PRKCA: variants seen among roughly 807,000 people sequenced by gnomAD.
The protein encoded by PRKCA is protein kinase C alpha type.
PRKCA carries 27 observed loss-of-function variants against 87.0 expected under a neutral mutation model. That is an observed-to-expected ratio of 0.31 (90% CI 0.23 to 0.43). The LOEUF is 0.43. PRKCA is among the 20% of genes least tolerant of loss of function. PRKCA has a pLI of 1.00. For missense variants in PRKCA, 518 were observed against 852.3 expected (o/e 0.61, Z 4.88); for synonymous variants, 329 against 311.1 (o/e 1.06, Z -0.61).
At chr17:66,731,734 C>T (rs1973899070) in intron 8 of PRKCA, among the ~76,000 whole-genome samples, 1 of 150,974 alleles carries the variant, frequency 6.6e-6, no homozygotes, top group Admixed American at 6.6e-5. Flanking sequence ...AGGCAGTGAC[C>T]AGATATTCTT....
chr17:66,689,251 A>C lies in PRKCA; in HGVS notation c.918+204A>C, dbSNP rs541404680. On this transcript the variant is annotated intron_variant, in intron 8 of 16. Transcript: ENST00000413366. The surrounding 1 kb of genome is among the most constrained non-coding windows in gnomAD (Gnocchi z 4.1). The stretch of plus-strand genomic sequence containing the variant: ...ACTTTTTATGACTCTTACCACTTAG[A>C]AAATGGAAACTGGAAATATCGCAGA... Among the ~76,000 whole-genome samples, 1 of 152,350 alleles carries C rather than the reference A, an allele frequency of 6.6e-6. No homozygotes were observed. Among genetic ancestry groups the C allele is most frequent in the South Asian group, 2.1e-4 (1 of 4,828 alleles).
At chr17:66,545,264 T>TA (rs377155496) in intron 3 of PRKCA, among the ~76,000 whole-genome samples, 2 of 151,956 alleles carry the variant, frequency 1.3e-5, no homozygotes, top group Non-Finnish European at 1.5e-5. Flanking sequence ...CCGCCTCTAC[T>TA]AAAAAATACA....
chr17:66,392,457 A>G (rs1318038792), intron 2 of PRKCA, among the ~76,000 whole-genome samples: 3 of 152,194 alleles, frequency 2.0e-5, no homozygotes, highest in Admixed American at 6.5e-5. Flanking sequence ...TATCTCCTCA[A>G]AAAACTCATT....
At chr17:66,527,351 G>A (rs1472090748) in intron 3 of PRKCA, among the ~76,000 whole-genome samples, 1 of 152,180 alleles carries the variant, frequency 6.6e-6, no homozygotes, top group Non-Finnish European at 1.5e-5. Flanking sequence ...AATGCAATTT[G>A]CATCCACAGG....
chr17:66,353,274 C>A (rs1046457566), intron 2 of PRKCA, among the ~76,000 whole-genome samples: 1 of 152,290 alleles, frequency 6.6e-6, no homozygotes, highest in East Asian at 1.9e-4. Context: ...TCATTTTGAT[C>A]CTAATCTTTA....
intron 3 of PRKCA, among the ~76,000 whole-genome samples, chr17:66,564,537 C>T (rs916358514): frequency 2.6e-5 from 4 of 152,172 alleles, no homozygotes; most frequent in African/African-American, 9.7e-5. Context: ...TCTCAGGTAC[C>T]TGCTATGTGC....
intron 8 of PRKCA, among the ~76,000 whole-genome samples, chr17:66,725,231 G>T (rs891931844): frequency 2.0e-5 from 3 of 152,186 alleles, no homozygotes; most frequent in Non-Finnish European, 2.9e-5. Flanking sequence ...AGGTGCAAAT[G>T]CATGGAGTTC....
intron 8 of PRKCA, among the ~76,000 whole-genome samples, chr17:66,707,336 C>T (rs558602507): frequency 6.6e-6 from 1 of 152,336 alleles, no homozygotes; most frequent in Admixed American, 6.5e-5. Flanking sequence ...GTAAGAACCT[C>T]AGGCCCTCCT....
At position 66,642,323 on chromosome 17, in the gene PRKCA, G is replaced by A. The variant is rs561918044; in HGVS notation, c.400+857G>A. On this transcript the variant is annotated intron_variant, in intron 4 of 16. Coordinates refer to ENST00000413366, the MANE Select transcript of PRKCA (RefSeq NM_002737.3). ...TTTTTGTATTTTTAGTAGAGATGGG[G>A]TTTCACTGTGTTAGCCAGGATAGTC... Among the ~76,000 whole-genome samples the A allele has an allele frequency of 7.2e-5, 11 of 152,140 alleles. No individual in the cohort carries two copies. In the East Asian group the frequency reaches 1.6e-3, roughly 21 times the overall value.
At position 66,348,618 on chromosome 17, in the gene PRKCA, A is replaced by G. The variant is rs190080779; in HGVS notation, c.205+42491A>G. On this transcript the variant is annotated intron_variant, in intron 2 of 16. Transcript: ENST00000413366. ...GCCAATTGCCCAAAACAGTGCATCA[A>G]TCCAAAACTCTTATTTGTCTTGGAG... Among the ~76,000 whole-genome samples the G allele has an allele frequency of 3.9e-5, 6 of 152,352 alleles. No homozygotes were observed. In the East Asian group the frequency reaches 7.7e-4, roughly 20 times the overall value.
chr17:66,552,475 C>G (rs1316408705), intron 3 of PRKCA, among the ~76,000 whole-genome samples: 1 of 152,186 alleles, frequency 6.6e-6, no homozygotes, highest in African/African-American at 2.4e-5. Context: ...TCATCTGAGG[C>G]TCGACTGGGG....
At chr17:66,380,943 C>A (rs952587283) in intron 2 of PRKCA, among the ~76,000 whole-genome samples, 3 of 142,762 alleles carry the variant, frequency 2.1e-5, no homozygotes, top group African/African-American at 7.7e-5. Flanking sequence ...TTTTATTTTT[C>A]TTTTTTTTTT....
chr17:66,477,929 G>C (rs1283364504), intron 2 of PRKCA, among the ~76,000 whole-genome samples: 1 of 152,174 alleles, frequency 6.6e-6, no homozygotes, highest in Non-Finnish European at 1.5e-5. Context: ...TCTAATTCTT[G>C]TTTGACCTAG....
At chr17:66,747,432 G>T (rs1974319414) in intron 13 of PRKCA, among the ~76,000 whole-genome samples, 1 of 152,138 alleles carries the variant, frequency 6.6e-6, no homozygotes, top group Non-Finnish European at 1.5e-5. Flanking sequence ...GCTATGGCGG[G>T]GGCTACGTTA....
rs964952571 is a variant in PRKCA at position 66,803,133 on chromosome 17, G to C, written c.1855-740G>C. ...AGTTCTGCCTGGAGTGGACCCTGGA[G>C]GAGAGGAACAGCCGAGACAGCAGGC... On this transcript the variant is annotated intron_variant, in intron 16 of 16. Transcript: ENST00000413366. This position sits in a 1 kb window ranked among gnomAD's most constrained non-coding sequence, Gnocchi z 4.4. Among the ~76,000 whole-genome samples, 2 of 152,166 alleles carry C rather than the reference G, an allele frequency of 1.3e-5. No individual in the cohort carries two copies. Among genetic ancestry groups the C allele is most frequent in the African/African-American group, 4.8e-5 (2 of 41,434 alleles).
intron 3 of PRKCA, among the ~76,000 whole-genome samples, chr17:66,541,444 G>A (rs938658234): frequency 1.3e-5 from 2 of 152,172 alleles, no homozygotes; most frequent in African/African-American, 4.8e-5. Flanking sequence ...ATTGATTTCT[G>A]CGGCAAAGAG....
In PRKCA at chr17:66,592,343, C is replaced by CAAAAAAAAAAAAAAAAAAAA. The variant is rs71160581; in HGVS notation, c.289-48994_289-48993insAAAAAAAAAAAAAAAAAAAA. On this transcript the variant is annotated intron_variant, in intron 3 of 16. Coordinates refer to ENST00000413366, the MANE Select transcript of PRKCA (RefSeq NM_002737.3). ...GCACTCCAGTCTGGGTGATCCGTCT[C>CAAAAAAAAAAAAAAAAAAAA]AAAAAAAAAAAAAAAAAAGTTACCA... Among the ~76,000 whole-genome samples the CAAAAAAAAAAAAAAAAAAAA allele has an allele frequency of 6.1e-5, 5 of 82,360 alleles. 1 individual carries two copies. The highest frequency in any genetic ancestry group is 3.5e-4 in the East Asian group (1 of 2,854). The allele number at this position is 82,360 out of a possible 152,430, so 54.0% of individuals were successfully genotyped here.
intron 2 of PRKCA, among the ~76,000 whole-genome samples, chr17:66,387,741 C>T (rs768997043): frequency 2.6e-4 from 39 of 152,140 alleles, no homozygotes; most frequent in Non-Finnish European, 4.9e-4. Context: ...AGGGGTGCCC[C>T]GCAGCAGTTA....
At chr17:66,327,135 C>G (rs1421489110) in intron 2 of PRKCA, among the ~76,000 whole-genome samples, 1 of 151,916 alleles carries the variant, frequency 6.6e-6, no homozygotes, top group Non-Finnish European at 1.5e-5. Context: ...CTTTGGGAGG[C>G]AGAGGCGGGC....
Sources: allele counts gnomAD v4.1 joint callset (sites outside exome capture counted in the v4.1 genomes callset), GRCh38; gene constraint gnomAD v4.1.1; non-coding constraint Gnocchi (gnomAD v3.1); transcripts MANE v1.5; gene names NCBI Gene and HGNC (gene_info 2026-07-23, HGNC 2026-07-21).